FBLN2: variants seen among roughly 807,000 people sequenced by gnomAD.
FBLN2 encodes the protein fibulin-2.
In FBLN2, 81 loss-of-function variants were observed where a neutral mutation model predicts 123.7. The observed-to-expected ratio is 0.65, with a 90% confidence interval of 0.55 to 0.79. The LOEUF (loss-of-function observed/expected upper bound fraction) is 0.79, where lower values mean the gene tolerates loss of function less well. Ranked by LOEUF, FBLN2 falls within the 30% of genes least tolerant of loss-of-function variation. FBLN2 has a pLI of 0.00. For missense variants in FBLN2, 1,603 were observed against 1,681.3 expected (o/e 0.95, Z 0.81); for synonymous variants, 699 against 701.4 (o/e 1.00, Z 0.05).
chr3:13,581,013 C>G (rs2124840446), intron 2 of FBLN2, among the ~76,000 whole-genome samples: 1 of 152,312 alleles, frequency 6.6e-6, no homozygotes, highest in Admixed American at 6.5e-5. Context: ...CTGGTTAGCT[C>G]TGGCGTGTTC....
chr3:13,549,631 C>T (rs972761957), intron 1 of FBLN2, among the ~76,000 whole-genome samples: 5 of 150,972 alleles, frequency 3.3e-5, no homozygotes, highest in African/African-American at 9.8e-5. Context: ...CCGGGTCAAC[C>T]CCCTCGGGGA....
At chr3:13,555,922 TG>T (rs1703452450) in intron 1 of FBLN2, among the ~76,000 whole-genome samples, 1 of 152,328 alleles carries the variant, frequency 6.6e-6, no homozygotes, top group African/African-American at 2.4e-5. Context: ...CAGCTGTCCT[TG>T]GAACAGTCAT....
chr3:13,562,377 G>A (rs868374125), intron 1 of FBLN2, among the ~76,000 whole-genome samples: 8 of 112,464 alleles, frequency 7.1e-5, no homozygotes, highest in Non-Finnish European at 9.0e-5. Flanking sequence ...TTTTTTTTGT[G>A]ACGGAGTCTT....
chr3:13,592,906 TC>T (rs968979319), intron 2 of FBLN2, among the ~76,000 whole-genome samples: 6 of 152,170 alleles, frequency 3.9e-5, no homozygotes, highest in African/African-American at 1.4e-4. Flanking sequence ...GTGTTTGTGG[TC>T]AGCTGGGAGC....
At chr3:13,580,584 G>A (rs1704293590) in intron 2 of FBLN2, among the ~76,000 whole-genome samples, 1 of 152,132 alleles carries the variant, frequency 6.6e-6, no homozygotes, top group Admixed American at 6.5e-5. Flanking sequence ...CTGAGAGGTG[G>A]GGAGCAGCCT....
chr3:13,566,317 C>T (rs1703745738), intron 1 of FBLN2, among the ~76,000 whole-genome samples: 1 of 152,210 alleles, frequency 6.6e-6, no homozygotes, highest in Admixed American at 6.5e-5. Flanking sequence ...CCTCCTGCTT[C>T]TCTCTTGTAC....
chr3:13,627,788 AGG>A, intron 10 of FBLN2, 42 bp from the exon 11 acceptor site: 1 of 1,583,102 alleles, frequency 6.3e-7, no homozygotes, highest in Non-Finnish European at 8.6e-7. Flanking sequence ...GTGTAAAGGC[AGG>A]ACCTGCCCCC....
intron 17 of FBLN2, 112 bp from the exon 18 acceptor site, chr3:13,637,450 T>G: frequency 3.1e-6 from 3 of 969,314 alleles, no homozygotes; most frequent in Non-Finnish European, 4.5e-6. Context: ...TTCCCGGCCA[T>G]TAGGGAGAGA....
chr3:13,613,572 C>T (rs1221131771), intron 4 of FBLN2, among the ~76,000 whole-genome samples: 1 of 152,108 alleles, frequency 6.6e-6, no homozygotes, highest in East Asian at 1.9e-4. Flanking sequence ...AGAGGGGGAG[C>T]AAAAACGATG....
chr3:13,604,929 G>A (rs1450330927), intron 2 of FBLN2, among the ~76,000 whole-genome samples: 2 of 152,246 alleles, frequency 1.3e-5, no homozygotes, highest in Non-Finnish European at 2.9e-5. Context: ...GTCCTTCACG[G>A]CATCTATCCC....
intron 2 of FBLN2, among the ~76,000 whole-genome samples, chr3:13,586,492 G>GTT (rs1239363813): frequency 1.6e-5 from 2 of 127,510 alleles, no homozygotes; most frequent in African/African-American, 6.8e-5. Context: ...GTATGTCTTA[G>GTT]TTGTTTTTTT....
At chr3:13,566,136 C>A (rs1703741006) in intron 1 of FBLN2, among the ~76,000 whole-genome samples, 1 of 137,970 alleles carries the variant, frequency 7.2e-6, no homozygotes, top group Non-Finnish European at 1.5e-5. Flanking sequence ...CTGGGACTGT[C>A]CCCCCGCAGG....
intron 4 of FBLN2, among the ~76,000 whole-genome samples, chr3:13,613,723 G>T (rs1283440116): frequency 4.6e-5 from 7 of 152,212 alleles, no homozygotes; most frequent in African/African-American, 1.7e-4. Flanking sequence ...AACATGAGGG[G>T]ATAATGAGTG....
chr3:13,561,863 G>T (rs1574943882), intron 1 of FBLN2, among the ~76,000 whole-genome samples: 1 of 152,204 alleles, frequency 6.6e-6, no homozygotes, highest in East Asian at 1.9e-4. Context: ...AGACAGACCT[G>T]TTCAAATCCC....
chr3:13,623,047 A>G (rs1462014507), intron 9 of FBLN2, among the ~76,000 whole-genome samples: 1 of 152,238 alleles, frequency 6.6e-6, no homozygotes, highest in East Asian at 1.9e-4. Flanking sequence ...CAGCCTGGAC[A>G]TATCCCCTTC....
intron 2 of FBLN2, among the ~76,000 whole-genome samples, chr3:13,583,074 G>C (rs1430246554): frequency 1.3e-5 from 2 of 152,252 alleles, no homozygotes; most frequent in Non-Finnish European, 2.9e-5. Context: ...CCTGCCAACT[G>C]CGTCAGCAAA....
chr3:13,550,450 C>G (rs1356492856), intron 1 of FBLN2, among the ~76,000 whole-genome samples: 1 of 152,262 alleles, frequency 6.6e-6, no homozygotes, highest in Non-Finnish European at 1.5e-5. Flanking sequence ...CCTGAGCCAG[C>G]AGGCGTCCCC....
intron 9 of FBLN2, among the ~76,000 whole-genome samples, chr3:13,624,916 C>T (rs566846809): frequency 4.6e-5 from 7 of 152,350 alleles, no homozygotes; most frequent in Non-Finnish European, 7.4e-5. Flanking sequence ...GGCCTTGGGG[C>T]GGTTTCTGAG....
At chr3:13,576,387 C>T (rs1704146692) in intron 2 of FBLN2, among the ~76,000 whole-genome samples, 1 of 152,196 alleles carries the variant, frequency 6.6e-6, no homozygotes, top group South Asian at 2.1e-4. Context: ...TCTCTGCCTT[C>T]CCAGGGATGC....
Sources: allele counts gnomAD v4.1 joint callset (sites outside exome capture counted in the v4.1 genomes callset), GRCh38; gene constraint gnomAD v4.1.1; transcripts MANE v1.5; gene names NCBI Gene and HGNC (gene_info 2026-07-23, HGNC 2026-07-21).